FBXO22: variants seen among roughly 807,000 people sequenced by gnomAD.
FBXO22 encodes the protein F-box only protein 22.
FBXO22 carries 13 observed loss-of-function variants against 37.2 expected under a neutral mutation model. The observed-to-expected ratio is 0.35, with a 90% CI of 0.23 to 0.56. FBXO22 has a LOEUF of 0.56. Ranked by LOEUF, FBXO22 falls within the 20% of genes least tolerant of loss-of-function variation. FBXO22 has a pLI of 0.87. For synonymous variants in FBXO22, 189 were observed against 189.1 expected (o/e 1.00, Z 0.00); for missense variants, 446 against 509.9 (o/e 0.87, Z 1.21).
intron 5 of FBXO22, among the ~76,000 whole-genome samples, chr15:75,927,806 A>G (rs566712746): frequency 1.3e-5 from 2 of 152,176 alleles, no homozygotes; most frequent in African/African-American, 2.4e-5. Flanking sequence ...TCATTCACGC[A>G]TCTGCATACC....
At chr15:75,919,478 T>C (rs556167489) in intron 5 of FBXO22, among the ~76,000 whole-genome samples, 16 of 152,348 alleles carry the variant, frequency 1.1e-4, no homozygotes, top group African/African-American at 3.4e-4. Flanking sequence ...CCTTAAAAGA[T>C]TGCAGGCTTG....
rs750948103 is a variant in FBXO22, at chr15:75,914,164, A to G, written c.422A>G (p.Lys141Arg). The G allele has an allele frequency of 1.2e-6, 2 of 1,613,854 alleles. No individual in the cohort carries two copies. The highest frequency in any genetic ancestry group is 1.7e-6 in the Non-Finnish European group (2 of 1,179,872). Residue 141 changes from lysine (K) to arginine (R), a missense_variant, in exon 4 of 7, where the codon AAA (lysine) becomes AGA (arginine). Physicochemically the swap from Lys to Arg is conservative, Grantham distance 26. Coordinates refer to ENST00000308275, the MANE Select transcript of FBXO22 (RefSeq NM_147188.3). ...TALALEKLFPKQCQVLGIVTP... is the reference protein window; with the variant it reads ...TALALEKLFPRQCQVLGIVTP... ...CTTGCCCTTGAGAAGCTATTCCCCA[A>G]ACAATGCCAAGTCCTTGGGATTGTG... is the stretch of plus-strand genomic sequence containing the variant.
rs1328202423 is a variant in FBXO22 at position 75,936,330 on chromosome 15, A to C, written c.*3228A>C. 6.6e-6 allele frequency: 1 copy of C among 152,240 alleles called. No homozygotes were observed. Among genetic ancestry groups the C allele is most frequent in the African/African-American group, 2.4e-5 (1 of 41,466 alleles). The allele number at this position is 152,240 out of a possible 1,614,324, so 9.4% of individuals were successfully genotyped here. A position where few individuals can be genotyped will look rare whatever the true frequency, so the allele number is the denominator to read the frequency against. On this transcript the variant is annotated 3_prime_UTR_variant, in exon 7 of 7. Coordinates refer to ENST00000308275, the MANE Select transcript of FBXO22 (RefSeq NM_147188.3). ...AAAATCCTAAAATAATAAAATAAGC[A>C]TTAGTAATAATATCCTTGTTAAATG...
chr15:75,918,331 A>C (rs1460823799), intron 5 of FBXO22, among the ~76,000 whole-genome samples: 1 of 152,136 alleles, frequency 6.6e-6, no homozygotes, highest in East Asian at 1.9e-4. Context: ...GAAAAAAAAA[A>C]AAAACTTGCA....
chr15:75,904,881 T>G (rs1049643901), intron 2 of FBXO22, among the ~76,000 whole-genome samples: 2 of 146,604 alleles, frequency 1.4e-5, no homozygotes, highest in Non-Finnish European at 3.0e-5. Context: ...TGGAGTGCAG[T>G]GGCGCGATCT....
chr15:75,926,482 C>G (rs1033944130), intron 5 of FBXO22, among the ~76,000 whole-genome samples: 2 of 152,186 alleles, frequency 1.3e-5, no homozygotes, highest in Admixed American at 1.3e-4. Context: ...AGTGATTCTA[C>G]TTTCTAGGGT....
intron 6 of FBXO22, 139 bp from the exon 7 acceptor site, chr15:75,932,546 C>T (rs2141726888): frequency 2.7e-6 from 2 of 728,628 alleles, no homozygotes; most frequent in South Asian, 4.2e-5. Context: ...CTATTTTACT[C>T]ACCTATGAGG....
rs1048784641 is a variant in FBXO22, at chr15:75,934,075, G to T, written c.*973G>T. The T allele has an allele frequency of 1.3e-5, 2 of 152,538 alleles. No homozygotes were observed. The highest frequency in any genetic ancestry group is 4.8e-5 in the African/African-American group (2 of 41,414). 9.4% of individuals were successfully genotyped at this position (152,538 alleles called of 1,614,324 possible). A position where few individuals can be genotyped will look rare whatever the true frequency, so the allele number is the denominator to read the frequency against. The stretch of plus-strand genomic sequence containing the variant: ...ATAGAACCTTTGATTTTTCAAGTGG[G>T]TATGCCTCCTAGAATAAAGACTACA... On this transcript the variant is annotated 3_prime_UTR_variant, in exon 7 of 7. Coordinates refer to ENST00000308275, the MANE Select transcript of FBXO22 (RefSeq NM_147188.3).
rs2030579374 is a variant in FBXO22 at position 75,938,280 on chromosome 15, T to C, written c.*5178T>C. 1 of 152,032 alleles carries C rather than the reference T, an allele frequency of 6.6e-6. No homozygotes were observed. The highest frequency in any genetic ancestry group is 2.4e-5 in the African/African-American group (1 of 41,378). The allele number at this position is 152,032 out of a possible 1,614,324, so 9.4% of individuals were successfully genotyped here. The stretch of plus-strand genomic sequence containing the variant: ...TCTCAAAACAAATGGATGACAGCTT[T>C]TAAAAATAAAAAAACAATGAACCAG... On this transcript the variant is annotated 3_prime_UTR_variant, in exon 7 of 7. Transcript: ENST00000308275.
At position 75,940,038 on chromosome 15, in the gene FBXO22, G is replaced by A. The variant is rs1196758128; in HGVS notation, c.*6936G>A. 6.6e-6 allele frequency: 1 copy of A among 151,258 alleles called. No individual in the cohort carries two copies. The highest frequency in any genetic ancestry group is 2.4e-5 in the African/African-American group (1 of 41,146). 9.4% of individuals were successfully genotyped at this position (151,258 alleles called of 1,614,324 possible). On this transcript the variant is annotated 3_prime_UTR_variant, in exon 7 of 7. Transcript: ENST00000308275. ...AGCTAGAAAAAGAAAAGACATCTAA[G>A]TTGGAAAGTAAGAAGTAAAATCCTA...
rs1224223256 is a variant in FBXO22, at chr15:75,934,269, AAC to A, written c.*1172_*1173del. ...CCATCTTGGACCCTGAAGAGGAGGCAACACACCATTGTAGAAGAAAAACAACA... is the reference window on the plus strand; with the variant it reads ...CCATCTTGGACCCTGAAGAGGAGGCAACACCATTGTAGAAGAAAAACAACA... On this transcript the variant is annotated 3_prime_UTR_variant, in exon 7 of 7. Transcript: ENST00000308275. 6.6e-6 allele frequency: 1 copy of A among 152,290 alleles called. No individual in the cohort carries two copies. Among genetic ancestry groups the A allele is most frequent in the African/African-American group, 2.4e-5 (1 of 41,460 alleles). 9.4% of individuals were successfully genotyped at this position (152,290 alleles called of 1,614,324 possible).
chr15:75,915,923 T>C (rs1051477902), intron 4 of FBXO22, among the ~76,000 whole-genome samples: 1 of 150,530 alleles, frequency 6.6e-6, no homozygotes, highest in African/African-American at 2.4e-5. Flanking sequence ...AAGCTAAAAT[T>C]AGCTGGGCAT....
At chr15:75,919,608 G>T (rs1900274162) in intron 5 of FBXO22, among the ~76,000 whole-genome samples, 1 of 152,194 alleles carries the variant, frequency 6.6e-6, no homozygotes, top group African/African-American at 2.4e-5. Flanking sequence ...TCACAGAATT[G>T]TGAAGATTAA....
At chr15:75,929,742 A>T in intron 5 of FBXO22, 142 bp from the exon 6 acceptor site, 3 of 827,568 alleles carry the variant, frequency 3.6e-6, no homozygotes, top group Non-Finnish European at 5.5e-6. Context: ...GATAAAAAAT[A>T]AAAAATGGAA....
chr15:75,935,448 A>G lies in FBXO22; in HGVS notation c.*2346A>G, dbSNP rs2030249306. The G allele has an allele frequency of 6.6e-6, 1 of 152,122 alleles. No individual in the cohort carries two copies. The highest frequency in any genetic ancestry group is 6.5e-5 in the Admixed American group (1 of 15,274). 9.4% of individuals were successfully genotyped at this position (152,122 alleles called of 1,614,324 possible). A position where few individuals can be genotyped will look rare whatever the true frequency, so the allele number is the denominator to read the frequency against. ...ACATTTAAAAATACTTATTTCATCT[A>G]CATACTTTCAAAGCAAAATAATTTC... On this transcript the variant is annotated 3_prime_UTR_variant, in exon 7 of 7. Coordinates refer to ENST00000308275, the MANE Select transcript of FBXO22 (RefSeq NM_147188.3).
At chr15:75,925,933 C>T (rs546179125) in intron 5 of FBXO22, among the ~76,000 whole-genome samples, 1 of 152,192 alleles carries the variant, frequency 6.6e-6, no homozygotes, top group Admixed American at 6.5e-5. Context: ...TCATCCTATT[C>T]CAAAACCAAA....
intron 2 of FBXO22, among the ~76,000 whole-genome samples, chr15:75,909,724 A>G (rs1321994925): frequency 1.3e-5 from 2 of 152,116 alleles, no homozygotes; most frequent in Non-Finnish European, 2.9e-5. Context: ...TCAGAATGCC[A>G]ACATTGACCT....
chr15:75,924,874 C>T (rs1407981929), intron 5 of FBXO22, among the ~76,000 whole-genome samples: 1 of 152,220 alleles, frequency 6.6e-6, no homozygotes, highest in East Asian at 1.9e-4. Context: ...TCCTCCCTCT[C>T]TTTTCCTTTT....
At chr15:75,911,564 T>C (rs560168040) in intron 2 of FBXO22, among the ~76,000 whole-genome samples, 1 of 152,216 alleles carries the variant, frequency 6.6e-6, no homozygotes, top group East Asian at 1.9e-4. Flanking sequence ...GGCTTTCTGT[T>C]TGTCTGTTAT....
Sources: gnomAD v4.1 joint callset for allele counts (sites outside exome capture counted in the v4.1 genomes callset) on GRCh38, gnomAD v4.1.1 for gene constraint, MANE v1.5 for transcripts, NCBI Gene and HGNC (gene_info 2026-07-23, HGNC 2026-07-21) for gene names.